Variants in TYW1B observed in about 807,000 individuals in gnomAD.
TYW1B encodes S-adenosyl-L-methionine-dependent tRNA 4-demethylwyosine synthase TYW1B.
A neutral mutation model predicts 86.9 loss-of-function variants in TYW1B; 73 were observed. That is an observed-to-expected ratio of 0.84 (90% confidence interval 0.70 to 1.02). The LOEUF (loss-of-function observed/expected upper bound fraction) is 1.02. TYW1B is among the 50% of genes least tolerant of loss of function. The pLI, the probability that TYW1B is intolerant of heterozygous loss-of-function variation, is 0.00. For missense variants in TYW1B, 637 were observed against 827.4 expected, an observed-to-expected ratio of 0.77 and a Z score of 2.82; for synonymous variants, 248 against 292.8, an observed-to-expected ratio of 0.85 and a Z score of 1.56.
At chr7:72,605,132 T>C (rs1382426537) in intron 13 of TYW1B, among the ~76,000 whole-genome samples, 1 of 152,210 alleles carries the variant, frequency 6.6e-6, no homozygotes, top group East Asian at 1.9e-4. Context: ...ATGATTTGCA[T>C]GTGGCATAGA....
intron 10 of TYW1B, among the ~76,000 whole-genome samples, chr7:72,705,413 G>A (rs182959437): frequency 6.6e-5 from 10 of 152,152 alleles, no homozygotes; most frequent in Non-Finnish European, 1.5e-4. Context: ...AAAGGTGTTC[G>A]AAAGTAAATG....
intron 11 of TYW1B, among the ~76,000 whole-genome samples, chr7:72,634,445 T>TC (rs1812620143): frequency 6.7e-6 from 1 of 148,444 alleles, no homozygotes; most frequent in South Asian, 2.2e-4. Flanking sequence ...TGCCTTGGCC[T>TC]CCCAAAGTGC....
chr7:72,597,704 A>C (rs1489638911), intron 13 of TYW1B, among the ~76,000 whole-genome samples: 6 of 152,226 alleles, frequency 3.9e-5, no homozygotes, highest in Admixed American at 3.9e-4. Context: ...AGAGAAAATC[A>C]TAAGTAACTT....
rs782743220 is a variant in TYW1B at position 72,815,380 on chromosome 7, C to T, written c.237G>A (p.Glu79=). 2 of 1,581,822 alleles carry T rather than the reference C, an allele frequency of 1.3e-6. No homozygotes were observed. The highest frequency in any genetic ancestry group is 1.7e-6 in the Non-Finnish European group (2 of 1,169,234). Reference sequence around the variant, plus strand: ...ATTGAAGAAAAAGACAATTACCAACCTCTTCTATCAGATGATCATCTGGAT... The same window carrying T: ...ATTGAAGAAAAAGACAATTACCAACTTCTTCTATCAGATGATCATCTGGAT... The part of the protein sequence containing the change: ...EYDPDDHLIE[E]VTSKNVCVFL... Residue 79 remains glutamate (E), a splice_region_variant and synonymous_variant, in exon 3 of 14, where the codon GAG becomes GAA. Coordinates refer to ENST00000620995, the MANE Select transcript of TYW1B (RefSeq NM_001145440.3).
intron 9 of TYW1B, among the ~76,000 whole-genome samples, chr7:72,722,145 A>G (rs1786916067): frequency 6.6e-6 from 1 of 152,202 alleles, no homozygotes; most frequent in South Asian, 2.1e-4. Flanking sequence ...TAGTTTCTGA[A>G]AACAATTAAC....
At chr7:72,812,414 G>A (rs1788638220) in intron 3 of TYW1B, among the ~76,000 whole-genome samples, 1 of 152,250 alleles carries the variant, frequency 6.6e-6, no homozygotes, top group East Asian at 1.9e-4. Context: ...GCGGTTCAGG[G>A]ATTCTCAACC....
At chr7:72,791,877 T>C (rs1788225665) in intron 6 of TYW1B, among the ~76,000 whole-genome samples, 1 of 152,208 alleles carries the variant, frequency 6.6e-6, no homozygotes, top group Admixed American at 6.6e-5. Context: ...CCCTTGAGTA[T>C]AAAAGCTTTC....
chr7:72,767,431 C>A, intron 7 of TYW1B, among the ~76,000 whole-genome samples: 1 of 151,732 alleles, frequency 6.6e-6, no homozygotes, highest in East Asian at 2.0e-4. Flanking sequence ...ATGGTGAAAC[C>A]CATCTCTACT....
chr7:72,739,593 G>C (rs1291692562), intron 8 of TYW1B, among the ~76,000 whole-genome samples: 1 of 148,606 alleles, frequency 6.7e-6, no homozygotes. Context: ...GTGACAGAGT[G>C]AGACTCCGTC....
At chr7:72,634,114 T>A (rs1230227985) in intron 11 of TYW1B, among the ~76,000 whole-genome samples, 2 of 151,950 alleles carry the variant, frequency 1.3e-5, no homozygotes, top group African/African-American at 4.8e-5. Context: ...CTACTTTGGG[T>A]TTCTTAGAAA....
At chr7:72,772,852 T>C (rs1294543533) in intron 7 of TYW1B, among the ~76,000 whole-genome samples, 5 of 152,212 alleles carry the variant, frequency 3.3e-5, no homozygotes, top group African/African-American at 9.6e-5. Flanking sequence ...GTGATGATTA[T>C]TGGAGCAATG....
intron 8 of TYW1B, among the ~76,000 whole-genome samples, chr7:72,737,907 TGG>T (rs1563077137): frequency 6.6e-6 from 1 of 150,598 alleles, no homozygotes; most frequent in Non-Finnish European, 1.5e-5. Flanking sequence ...CCTGAGTAGC[TGG>T]GACTACAGGT....
At chr7:72,608,898 T>C (rs1331352417) in intron 13 of TYW1B, among the ~76,000 whole-genome samples, 1 of 152,320 alleles carries the variant, frequency 6.6e-6, no homozygotes, top group East Asian at 1.9e-4. Flanking sequence ...CAGTTTTCTA[T>C]CTGGGTCGTG....
chr7:72,657,178 T>C (rs1417880472), intron 11 of TYW1B, among the ~76,000 whole-genome samples: 1 of 151,966 alleles, frequency 6.6e-6, no homozygotes, highest in Non-Finnish European at 1.5e-5. Context: ...ATCAGAAATC[T>C]TGGAACAGAA....
At position 72,714,288 on chromosome 7, in the gene TYW1B, T is replaced by C. The variant is rs570258913; in HGVS notation, c.1193-490A>G. ...TCATACTGGAATACTTCATAATTCA[T>C]ACTTCATACTGGAATCACCTGAGGA... On this transcript the variant is annotated intron_variant, in intron 9 of 13. Coordinates refer to ENST00000620995, the MANE Select transcript of TYW1B (RefSeq NM_001145440.3). Among the ~76,000 whole-genome samples, 1,019 of 152,128 alleles carry C rather than the reference T, an allele frequency of 6.7e-3. 12 individuals carry two copies. Among genetic ancestry groups the C allele is most frequent in the African/African-American group, 0.021 (878 of 41,522 alleles).
chr7:72,700,761 T>C (rs1585913082), intron 10 of TYW1B, among the ~76,000 whole-genome samples: 1 of 152,128 alleles, frequency 6.6e-6, no homozygotes, highest in South Asian at 2.1e-4. Flanking sequence ...TTTCATACTT[T>C]TGTTTCTTTG....
At chr7:72,592,752 A>G (rs1339643366) in intron 13 of TYW1B, among the ~76,000 whole-genome samples, 1 of 152,256 alleles carries the variant, frequency 6.6e-6, no homozygotes, top group Non-Finnish European at 1.5e-5. Flanking sequence ...CGGCTCTACT[A>G]ATATCAAAGA....
At chr7:72,721,898 T>G (rs2711916) in intron 9 of TYW1B, among the ~76,000 whole-genome samples, 1 of 152,208 alleles carries the variant, frequency 6.6e-6, no homozygotes, top group African/African-American at 2.4e-5. Context: ...CTTAAGATCC[T>G]AAAATTTTCA....
intron 11 of TYW1B, among the ~76,000 whole-genome samples, chr7:72,648,704 G>T (rs1256138442): frequency 6.6e-6 from 1 of 152,122 alleles, no homozygotes; most frequent in Non-Finnish European, 1.5e-5. Flanking sequence ...TACTCTACAG[G>T]TTACTTACAA....
Sources: allele counts gnomAD v4.1 joint callset (sites outside exome capture counted in the v4.1 genomes callset), GRCh38; gene constraint gnomAD v4.1.1; transcripts MANE v1.5; gene names NCBI Gene and HGNC (gene_info 2026-07-23, HGNC 2026-07-21).